Variants in GPR176 observed in about 807,000 individuals in gnomAD.
GPR176 encodes G protein-coupled receptor 176, also known as G-protein coupled receptor 176.
Under a neutral mutation model 35.4 loss-of-function variants are expected in GPR176, and 26 were observed. The observed-to-expected ratio is 0.74, with a 90% CI of 0.54 to 1.02. The LOEUF is 1.02. GPR176 is among the 50% of genes least tolerant of loss of function. The pLI is 0.00. For missense variants in GPR176, 597 were observed against 665.3 expected, an observed-to-expected ratio of 0.90 and a Z score of 1.13; for synonymous variants, 278 against 271.3, an observed-to-expected ratio of 1.02 and a Z score of -0.24.
chr15:39,847,114 G>C (rs566815205), intron 1 of GPR176, among the ~76,000 whole-genome samples: 1 of 152,066 alleles, frequency 6.6e-6, no homozygotes, highest in East Asian at 1.9e-4. Context: ...ATTGCCTAGA[G>C]CAACCACTAA....
rs537959198 is a variant in GPR176, at chr15:39,874,983, G to A, written c.172+44872C>T. Among the ~76,000 whole-genome samples the A allele has an allele frequency of 3.9e-5, 6 of 152,272 alleles. No homozygotes were observed. The East Asian group carries it at 1.2e-3, about 29-fold the overall frequency. On this transcript the variant is annotated intron_variant, in intron 1 of 2. Coordinates refer to ENST00000561100, the MANE Select transcript of GPR176 (RefSeq NM_007223.3). ...CTTGAACCTGGGAGGCGTGGTTTGTGGTGAGCCAAGATCGCGCCATTGCAC... is the reference window on the plus strand; with the variant it reads ...CTTGAACCTGGGAGGCGTGGTTTGTAGTGAGCCAAGATCGCGCCATTGCAC...
chr15:39,838,690 A>G lies in GPR176; in HGVS notation c.173-31432T>C, dbSNP rs113411746. Among the ~76,000 whole-genome samples, 125 of 152,274 alleles carry G rather than the reference A, an allele frequency of 8.2e-4. 1 individual carries two copies. Among genetic ancestry groups the G allele is most frequent in the African/African-American group, 3.0e-3 (124 of 41,574 alleles). ...TATTGATGGAACATATCTCAAAATA[A>G]TAAGAGCTATTTATGACAAACCCAC... On this transcript the variant is annotated intron_variant, in intron 1 of 2. Transcript: ENST00000561100.
intron 1 of GPR176, among the ~76,000 whole-genome samples, chr15:39,835,893 G>A (rs970732404): frequency 1.3e-5 from 2 of 152,048 alleles, no homozygotes; most frequent in African/African-American, 2.4e-5. Flanking sequence ...CCAGGAGTTC[G>A]ATAATAGCCT....
At chr15:39,879,480 T>A (rs549342912) in intron 1 of GPR176, among the ~76,000 whole-genome samples, 2 of 152,302 alleles carry the variant, frequency 1.3e-5, no homozygotes, top group South Asian at 4.1e-4. Context: ...CCACCACACT[T>A]CACATCCTTG....
chr15:39,914,543 C>T (rs2033674788), intron 1 of GPR176, among the ~76,000 whole-genome samples: 1 of 152,052 alleles, frequency 6.6e-6, no homozygotes, highest in South Asian at 2.1e-4. Context: ...TCGAACACCT[C>T]AAGTGATCTG....
intron 1 of GPR176, among the ~76,000 whole-genome samples, chr15:39,822,959 G>A (rs1488187957): frequency 6.6e-6 from 1 of 152,148 alleles, no homozygotes; most frequent in East Asian, 1.9e-4. Context: ...TAGCCTATGG[G>A]ATGACCTTAA....
chr15:39,826,423 A>G (rs867898104), intron 1 of GPR176, among the ~76,000 whole-genome samples: 2 of 152,156 alleles, frequency 1.3e-5, no homozygotes, highest in African/African-American at 2.4e-5. Context: ...AGGGGTGCTT[A>G]AAAGTCACAG....
chr15:39,859,485 C>A (rs2031453567), intron 1 of GPR176, among the ~76,000 whole-genome samples: 3 of 107,198 alleles, frequency 2.8e-5, no homozygotes, highest in Admixed American at 8.9e-5. Context: ...TTAGGATGGC[C>A]ACTGTGAAAA....
chr15:39,890,200 G>C (rs1053838556), intron 1 of GPR176, among the ~76,000 whole-genome samples: 4 of 152,182 alleles, frequency 2.6e-5, no homozygotes, highest in Admixed American at 2.6e-4. Flanking sequence ...GCACACCACT[G>C]CCCTTAAGAC....
intron 1 of GPR176, among the ~76,000 whole-genome samples, chr15:39,843,911 A>G (rs2030217330): frequency 6.6e-6 from 1 of 152,114 alleles, no homozygotes; most frequent in Admixed American, 6.5e-5. Context: ...AGCTTAGAGA[A>G]AAATCTGTTA....
intron 2 of GPR176, among the ~76,000 whole-genome samples, chr15:39,805,742 C>G (rs1406610258): frequency 1.3e-5 from 2 of 152,178 alleles, no homozygotes; most frequent in African/African-American, 2.4e-5. Flanking sequence ...GAAGAATGTG[C>G]CATCAGAAGG....
At chr15:39,820,363 T>C (rs1174796722) in intron 1 of GPR176, among the ~76,000 whole-genome samples, 1 of 152,074 alleles carries the variant, frequency 6.6e-6, no homozygotes, top group African/African-American at 2.4e-5. Flanking sequence ...CCTGAAAGGA[T>C]GAGTTATAGC....
rs548384537 is a variant in GPR176, at chr15:39,841,387, C to T, written c.173-34129G>A. On this transcript the variant is annotated intron_variant, in intron 1 of 2. Transcript: ENST00000561100. Reference sequence around the variant, plus strand: ...TATCTCAGAATGTGGCTTGGAAATACGGTCTTTGTAGAGCAAATCAAGTAA... The same window carrying T: ...TATCTCAGAATGTGGCTTGGAAATATGGTCTTTGTAGAGCAAATCAAGTAA... 9.6e-5 allele frequency among the ~76,000 whole-genome samples: 12 copies of T among 124,554 alleles called. No individual in the cohort carries two copies. In the South Asian group the frequency reaches 1.7e-3, roughly 17 times the overall value. 81.7% of individuals were successfully genotyped at this position (124,554 alleles called of 152,430 possible).
chr15:39,806,128 T>A (rs1366748833), intron 2 of GPR176, among the ~76,000 whole-genome samples: 1 of 152,216 alleles, frequency 6.6e-6, no homozygotes, highest in Non-Finnish European at 1.5e-5. Context: ...ATGTTTTGAA[T>A]GGACAAAGAG....
intron 1 of GPR176, among the ~76,000 whole-genome samples, chr15:39,816,134 T>C (rs1206245554): frequency 6.6e-6 from 1 of 152,186 alleles, no homozygotes; most frequent in Non-Finnish European, 1.5e-5. Flanking sequence ...GGGCTGCCAG[T>C]AGGACGAAGC....
At chr15:39,890,352 A>G (rs2032826624) in intron 1 of GPR176, among the ~76,000 whole-genome samples, 2 of 152,236 alleles carry the variant, frequency 1.3e-5, no homozygotes, top group South Asian at 4.1e-4. Flanking sequence ...ATTGCACTGA[A>G]AACTGAAGGG....
intron 1 of GPR176, among the ~76,000 whole-genome samples, chr15:39,828,722 A>C (rs892189485): frequency 2.0e-5 from 3 of 152,232 alleles, no homozygotes; most frequent in Non-Finnish European, 2.9e-5. Flanking sequence ...AAGAGAATCA[A>C]TAAGAGTTTC....
At chr15:39,909,382 C>T (rs1397385239) in intron 1 of GPR176, among the ~76,000 whole-genome samples, 2 of 152,196 alleles carry the variant, frequency 1.3e-5, no homozygotes, top group Non-Finnish European at 2.9e-5. Context: ...TTCTTGACTG[C>T]GTCCCTGGCT....
chr15:39,891,009 G>C (rs2032852254), intron 1 of GPR176, among the ~76,000 whole-genome samples: 1 of 152,198 alleles, frequency 6.6e-6, no homozygotes, highest in Admixed American at 6.5e-5. Context: ...AGGTAGAGAA[G>C]AATAGATGAG....
Sources: allele counts gnomAD v4.1 joint callset (sites outside exome capture counted in the v4.1 genomes callset), GRCh38; gene constraint gnomAD v4.1.1; transcripts MANE v1.5; gene names NCBI Gene and HGNC (gene_info 2026-07-23, HGNC 2026-07-21).